CNTN3: variants seen among roughly 807,000 people sequenced by gnomAD.
The protein encoded by CNTN3 is contactin-3.
Under a neutral mutation model 119.1 loss-of-function variants are expected in CNTN3, and 60 were observed. The ratio of observed to expected loss-of-function variants is 0.50; its 90% CI spans 0.41 to 0.62. The LOEUF (loss-of-function observed/expected upper bound fraction) is 0.62, where lower values mean the gene tolerates loss of function less well. Among genes scored for constraint, CNTN3 ranks in the 20% least tolerant of loss-of-function variants. The pLI, the probability that CNTN3 is intolerant of heterozygous loss-of-function variation, is 0.00. For missense variants in CNTN3, 1,101 were observed against 1,242.4 expected, an observed-to-expected ratio of 0.89 and a Z score of 1.71; for synonymous variants, 450 against 438.7, an observed-to-expected ratio of 1.03 and a Z score of -0.32.
chr3:74,568,233 G>C (rs184684228), intron 1 of CNTN3, among the ~76,000 whole-genome samples: 4 of 152,344 alleles, frequency 2.6e-5, no homozygotes, highest in Non-Finnish European at 5.9e-5. Context: ...ATTAAAGGAA[G>C]CTTAATGCTG....
chr3:74,437,342 G>A (rs538963028), intron 4 of CNTN3, among the ~76,000 whole-genome samples: 2 of 151,966 alleles, frequency 1.3e-5, no homozygotes, highest in Non-Finnish European at 2.9e-5. Flanking sequence ...GACACCTGTA[G>A]TCCCAGCTAC....
intron 20 of CNTN3, among the ~76,000 whole-genome samples, chr3:74,279,730 C>T: frequency 6.6e-6 from 1 of 152,084 alleles, no homozygotes; most frequent in Non-Finnish European, 1.5e-5. Flanking sequence ...TCTCACAAAT[C>T]ACCACTAAAA....
At chr3:74,467,513 G>C (rs567657606) in intron 4 of CNTN3, among the ~76,000 whole-genome samples, 257 of 152,098 alleles carry the variant, frequency 1.7e-3, no homozygotes, top group Non-Finnish European at 2.8e-3. Flanking sequence ...CAATTAAATA[G>C]ATGCTCACAC....
At chr3:74,577,144 G>A (rs13077765) in intron 1 of CNTN3, among the ~76,000 whole-genome samples, 112,285 of 152,072 alleles carry the variant, frequency 0.74, 41,932 homozygotes, top group Non-Finnish European at 0.79. Flanking sequence ...AAGTCATCAC[G>A]ACCTAAATTT....
At chr3:74,285,548 T>C in intron 19 of CNTN3, 57 bp from the exon 20 acceptor site, 1 of 1,508,150 alleles carries the variant, frequency 6.6e-7, no homozygotes, top group African/African-American at 1.4e-5. Flanking sequence ...CCCTTTCCAT[T>C]AAGTGATTTT....
chr3:74,355,744 C>T lies in CNTN3; in HGVS notation c.1364+6146G>A, dbSNP rs558477217. Among the ~76,000 whole-genome samples the T allele has an allele frequency of 1.5e-4, 23 of 152,064 alleles. No individual in the cohort carries two copies. The East Asian group carries it at 4.1e-3, about 27-fold the overall frequency. ...TGCAGGGATTACAAGCATGAGCCACCGCACCCTGCTGGTCCTCTTTTTTAA... is the reference window on the plus strand; with the variant it reads ...TGCAGGGATTACAAGCATGAGCCACTGCACCCTGCTGGTCCTCTTTTTTAA... On this transcript the variant is annotated intron_variant, in intron 11 of 22. Coordinates refer to ENST00000263665, the MANE Select transcript of CNTN3 (RefSeq NM_020872.3).
rs548237561 is a variant in CNTN3 at position 74,499,543 on chromosome 3, T to G, written c.182+116A>C. 4.6e-6 allele frequency: 4 copies of G among 872,308 alleles called. No individual in the cohort carries two copies. The East Asian group carries it at 1.1e-4, about 23-fold the overall frequency. 54.0% of individuals were successfully genotyped at this position (872,308 alleles called of 1,614,324 possible). A position where few individuals can be genotyped will look rare whatever the true frequency, so the allele number is the denominator to read the frequency against. On this transcript the variant is annotated intron_variant, in intron 3 of 22. Transcript: ENST00000263665. ...GTTGAATATATCATACAACTATAGC[T>G]TCACGTATTTTTTTCTTACTGATGG...
At chr3:74,589,387 C>A (rs1328294730) in intron 1 of CNTN3, among the ~76,000 whole-genome samples, 56 of 147,508 alleles carry the variant, frequency 3.8e-4, no homozygotes, top group Non-Finnish European at 6.9e-4. Flanking sequence ...CAGAGAAATG[C>A]AAATCAAAAC....
intron 13 of CNTN3, among the ~76,000 whole-genome samples, chr3:74,316,602 G>C (rs1410840987): frequency 6.6e-6 from 1 of 152,132 alleles, no homozygotes; most frequent in Non-Finnish European, 1.5e-5. Context: ...CCATTAATGG[G>C]AGACTGGGTA....
chr3:74,606,511 T>C (rs1460971045), intron 1 of CNTN3, among the ~76,000 whole-genome samples: 2 of 151,990 alleles, frequency 1.3e-5, no homozygotes, highest in South Asian at 4.2e-4. Flanking sequence ...GGTTGGGTTA[T>C]TGAAGGTCAA....
intron 19 of CNTN3, among the ~76,000 whole-genome samples, chr3:74,292,917 T>G (rs1224552187): frequency 6.6e-6 from 1 of 152,212 alleles, no homozygotes; most frequent in Non-Finnish European, 1.5e-5. Flanking sequence ...TTTCATCTAT[T>G]GTCATGGAAT....
chr3:74,507,626 C>CTTT (rs59540461), intron 2 of CNTN3, among the ~76,000 whole-genome samples: 41 of 103,550 alleles, frequency 4.0e-4, no homozygotes, highest in Middle Eastern at 5.6e-3. Flanking sequence ...TTCTTTCTTT[C>CTTT]TTTTTTTTTT....
intron 1 of CNTN3, among the ~76,000 whole-genome samples, chr3:74,524,084 T>G (rs1703581325): frequency 6.6e-6 from 1 of 151,914 alleles, no homozygotes; most frequent in Non-Finnish European, 1.5e-5. Context: ...ATGTGAAAAT[T>G]GTTTCAGGAA....
intron 1 of CNTN3, among the ~76,000 whole-genome samples, chr3:74,576,721 T>C (rs1172762015): frequency 6.6e-6 from 1 of 152,092 alleles, no homozygotes; most frequent in Non-Finnish European, 1.5e-5. Context: ...GAAAAAAATC[T>C]CCTGACCTGT....
At chr3:74,506,604 A>C (rs2107093665) in intron 2 of CNTN3, among the ~76,000 whole-genome samples, 1 of 152,170 alleles carries the variant, frequency 6.6e-6, no homozygotes, top group East Asian at 1.9e-4. Flanking sequence ...TCAGAACATA[A>C]TTATACCTTT....
chr3:74,551,132 T>C (rs939684801), intron 1 of CNTN3, among the ~76,000 whole-genome samples: 6 of 152,190 alleles, frequency 3.9e-5, no homozygotes, highest in African/African-American at 1.4e-4. Flanking sequence ...TGGGTTTGTC[T>C]TTCCTGTTCG....
intron 1 of CNTN3, among the ~76,000 whole-genome samples, chr3:74,578,145 T>A (rs551139661): frequency 6.6e-6 from 1 of 151,986 alleles, no homozygotes; most frequent in Non-Finnish European, 1.5e-5. Flanking sequence ...GAAATCCACA[T>A]TTTTGCTCAG....
At chr3:74,431,755 T>C (rs141279244) in intron 4 of CNTN3, among the ~76,000 whole-genome samples, 2 of 152,280 alleles carry the variant, frequency 1.3e-5, no homozygotes, top group South Asian at 2.1e-4. Flanking sequence ...TGTAACATAA[T>C]AGTGGCAATA....
intron 5 of CNTN3, among the ~76,000 whole-genome samples, chr3:74,375,346 T>C (rs748952967): frequency 1.3e-5 from 2 of 152,060 alleles, no homozygotes; most frequent in Non-Finnish European, 2.9e-5. Flanking sequence ...GTTCAGTGAG[T>C]GGCTGGGAGA....
Sources: gnomAD v4.1 joint callset for allele counts (sites outside exome capture counted in the v4.1 genomes callset) on GRCh38, gnomAD v4.1.1 for gene constraint, MANE v1.5 for transcripts, NCBI Gene and HGNC (gene_info 2026-07-23, HGNC 2026-07-21) for gene names.